The following PCDHGC4 variants were observed in gnomAD, a reference collection of about 807,000 sequenced individuals.
PCDHGC4 encodes protocadherin gamma-C4.
In PCDHGC4, 15 loss-of-function variants were observed where a neutral mutation model predicts 59.7. That is an observed-to-expected ratio of 0.25 (90% CI 0.17 to 0.39). The LOEUF (loss-of-function observed/expected upper bound fraction) is 0.39. PCDHGC4 is among the 10% of genes least tolerant of loss of function. The probability of loss-of-function intolerance (pLI) is 1.00; values close to 1 mark genes in which losing one functional copy is unlikely to be tolerated. For missense variants in PCDHGC4, 1,016 were observed against 1,189.5 expected (o/e 0.85, Z 2.15); for synonymous variants, 434 against 481.4 (o/e 0.90, Z 1.29).
chr5:141,510,272 TA>T (rs546154379), intron 3 of PCDHGC4, among the ~76,000 whole-genome samples: 4,704 of 130,308 alleles, frequency 0.036, 80 homozygotes, highest in South Asian at 0.057. Flanking sequence ...GACTCCATCT[TA>T]AAAAAAAAAA....
chr5:141,491,178 C>T lies in PCDHGC4; in HGVS notation c.2442+3563C>T, dbSNP rs774139827. 6.2e-7 allele frequency: 1 copy of T among 1,614,146 alleles called. No individual in the cohort carries two copies. The highest frequency in any genetic ancestry group is 8.5e-7 in the Non-Finnish European group (1 of 1,179,992). On this transcript the variant is annotated intron_variant, in intron 1 of 3. Coordinates refer to ENST00000306593, the MANE Select transcript of PCDHGC4 (RefSeq NM_018928.3). The surrounding 1 kb of genome is among the most constrained non-coding windows in gnomAD (Gnocchi z 6.9). ...ACTCTGACACCCAGCAGGTGGTGGT[C>T]CTGGTGAGGGACAATGGTGACCCTT...
intron 2 of PCDHGC4, among the ~76,000 whole-genome samples, chr5:141,504,402 G>A (rs2099837969): frequency 6.6e-6 from 1 of 152,170 alleles, no homozygotes; most frequent in Admixed American, 6.6e-5. Context: ...AGCCAGTGTG[G>A]TGGAGGAACA....
chr5:141,507,478 C>T (rs933478897), intron 3 of PCDHGC4, among the ~76,000 whole-genome samples: 5 of 152,158 alleles, frequency 3.3e-5, no homozygotes, highest in African/African-American at 1.2e-4. Flanking sequence ...GGACTGCTGG[C>T]CTCCTGAGGC....
rs766092387 is a variant in PCDHGC4 at position 141,491,171 on chromosome 5, T to C, written c.2442+3556T>C. 7.4e-6 allele frequency: 12 copies of C among 1,613,968 alleles called. No individual in the cohort carries two copies. The highest frequency in any genetic ancestry group is 1.3e-5 in the African/African-American group (1 of 74,904). On this transcript the variant is annotated intron_variant, in intron 1 of 3. Coordinates refer to ENST00000306593, the MANE Select transcript of PCDHGC4 (RefSeq NM_018928.3). The surrounding 1 kb of genome is among the most constrained non-coding windows in gnomAD (Gnocchi z 6.9). The stretch of plus-strand genomic sequence containing the variant: ...GAGGATGACTCTGACACCCAGCAGG[T>C]GGTGGTCCTGGTGAGGGACAATGGT...
chr5:141,500,367 C>A (rs953610460), intron 2 of PCDHGC4, among the ~76,000 whole-genome samples: 7 of 151,940 alleles, frequency 4.6e-5, no homozygotes, highest in African/African-American at 1.7e-4. Context: ...CACTACCACG[C>A]CCGGCTAATT....
At position 141,489,635 on chromosome 5, in the gene PCDHGC4, G is replaced by C. The variant is rs1380466520; in HGVS notation, c.2442+2020G>C. 2 of 1,614,142 alleles carry C rather than the reference G, an allele frequency of 1.2e-6. No homozygotes were observed. The highest frequency in any genetic ancestry group is 3.3e-5 in the Admixed American group (2 of 60,016). ...CTGGATCTCAATGACAACTCTCCTAGCTTTGCCACCCCTGAGCGAGAGATG... is the reference window on the plus strand; with the variant it reads ...CTGGATCTCAATGACAACTCTCCTACCTTTGCCACCCCTGAGCGAGAGATG... On this transcript the variant is annotated intron_variant, in intron 1 of 3. Transcript: ENST00000306593. This position sits in a 1 kb window ranked among gnomAD's most constrained non-coding sequence, Gnocchi z 4.5.
chr5:141,493,289 C>T lies in PCDHGC4; in HGVS notation c.2443-1518C>T, dbSNP rs925045650. 2.6e-5 allele frequency among the ~76,000 whole-genome samples: 4 copies of T among 152,176 alleles called. No individual in the cohort carries two copies. Among genetic ancestry groups the T allele is most frequent in the Non-Finnish European group, 5.9e-5 (4 of 68,030 alleles). On this transcript the variant is annotated intron_variant, in intron 1 of 3. Coordinates refer to ENST00000306593, the MANE Select transcript of PCDHGC4 (RefSeq NM_018928.3). The surrounding 1 kb of genome is among the most constrained non-coding windows in gnomAD (Gnocchi z 4.3). ...CTTCACAGAGGTCAAGTGACTTGCT[C>T]AAGTTCACAGAGCAAGTAAGAGAGA...
At position 141,491,679 on chromosome 5, in the gene PCDHGC4, T is replaced by C. The variant is rs111288145; in HGVS notation, c.2443-3128T>C. On this transcript the variant is annotated intron_variant, in intron 1 of 3. Coordinates refer to ENST00000306593, the MANE Select transcript of PCDHGC4 (RefSeq NM_018928.3). This position sits in a 1 kb window ranked among gnomAD's most constrained non-coding sequence, Gnocchi z 6.9. ...CTGACGCCATCCGGTCCCGCTCTAA[T>C]ACGCTGCGGGAGCGGAGCCAGGTGA... is the stretch of plus-strand genomic sequence containing the variant. 21 of 1,613,378 alleles carry C rather than the reference T, an allele frequency of 1.3e-5. No homozygotes were observed. Among genetic ancestry groups the C allele is most frequent in the Middle Eastern group, 1.6e-4 (1 of 6,078 alleles).
In PCDHGC4 at chr5:141,486,440, A is replaced by G; in HGVS notation, c.1267A>G (p.Ile423Val). 6.2e-7 allele frequency: 1 copy of G among 1,614,114 alleles called. No individual in the cohort carries two copies. The highest frequency in any genetic ancestry group is 8.5e-7 in the Non-Finnish European group (1 of 1,179,936). Residue 423 changes from isoleucine to valine, a missense_variant, in exon 1 of 4, where the codon ATC becomes GTC. Physicochemically the swap from Ile to Val is conservative, Grantham distance 29 (BLOSUM62 3). Coordinates refer to ENST00000306593, the MANE Select transcript of PCDHGC4 (RefSeq NM_018928.3). This position sits in a 1 kb window ranked among gnomAD's most constrained non-coding sequence, Gnocchi z 5.0. ...TCGAGAGGCCAAATCTAGCTATGACATCATGGTCACTGCTTCTGATGCTGG... is the reference window on the plus strand; with the variant it reads ...TCGAGAGGCCAAATCTAGCTATGACGTCATGGTCACTGCTTCTGATGCTGG... The part of the protein sequence containing the change: ...LDREAKSSYD[I>V]MVTASDAGNP...
chr5:141,497,825 C>T (rs1015168533), intron 2 of PCDHGC4, among the ~76,000 whole-genome samples: 3 of 152,154 alleles, frequency 2.0e-5, no homozygotes, highest in Admixed American at 6.5e-5. Context: ...CAGGTGTGAT[C>T]GCCCCCGGCC....
At chr5:141,505,282 G>C (rs73280377) in intron 2 of PCDHGC4, 111 bp from the exon 3 acceptor site, 37,017 of 1,544,812 alleles carry the variant, frequency 0.024, 1,115 homozygotes, top group African/African-American at 0.15. Context: ...AACAGGTCTT[G>C]GGCATGGGGT....
intron 3 of PCDHGC4, 78 bp from the exon 4 acceptor site, chr5:141,510,869 T>C: frequency 9.3e-6 from 15 of 1,608,708 alleles, no homozygotes; most frequent in Non-Finnish European, 1.3e-5. Flanking sequence ...AGGCATTCAT[T>C]AACTGCTGGG....
chr5:141,508,550 G>T (rs1440375100), intron 3 of PCDHGC4, among the ~76,000 whole-genome samples: 3 of 152,138 alleles, frequency 2.0e-5, no homozygotes, highest in Non-Finnish European at 1.5e-5. Flanking sequence ...GGTGGGCGGG[G>T]GATGGCTTTG....
Position 141,490,225 on chromosome 5 carries a change from G to A in PCDHGC4, c.2442+2610G>A, listed in dbSNP as rs2099697468. On this transcript the variant is annotated intron_variant, in intron 1 of 3. Coordinates refer to ENST00000306593, the MANE Select transcript of PCDHGC4 (RefSeq NM_018928.3). This position sits in a 1 kb window ranked among gnomAD's most constrained non-coding sequence, Gnocchi z 5.4. The stretch of plus-strand genomic sequence containing the variant: ...AAGAGCCCGTGACCAGGGACAGCCT[G>A]CCATGGAGGGCCACTGTGTGATTCA... The A allele has an allele frequency of 6.2e-7, 1 of 1,614,112 alleles. No homozygotes were observed. The highest frequency in any genetic ancestry group is 1.1e-5 in the South Asian group (1 of 91,090).
intron 2 of PCDHGC4, among the ~76,000 whole-genome samples, chr5:141,498,411 C>T (rs747823234): frequency 2.0e-5 from 3 of 152,158 alleles, no homozygotes; most frequent in Non-Finnish European, 4.4e-5. Context: ...TTTCTCTTTG[C>T]TGGCACTGGA....
At position 141,485,671 on chromosome 5, in the gene PCDHGC4, G is replaced by T; in HGVS notation, c.498G>T (p.Ser166=). Residue 166 remains serine, a synonymous_variant, in exon 1 of 4, where the codon TCG becomes TCT. Coordinates refer to ENST00000306593, the MANE Select transcript of PCDHGC4 (RefSeq NM_018928.3). This position sits in a 1 kb window ranked among gnomAD's most constrained non-coding sequence, Gnocchi z 5.7. The stretch of plus-strand genomic sequence containing the variant: ...AGGATGCAGATGTGGGGAGCAATTC[G>T]ATTAGCAGCTATAGGCTGAGCTCCA... ...KAQDADVGSN[S]ISSYRLSSNE... 6.2e-7 allele frequency: 1 copy of T among 1,612,860 alleles called. No homozygotes were observed. The highest frequency in any genetic ancestry group is 8.5e-7 in the Non-Finnish European group (1 of 1,179,040).
chr5:141,491,407 G>A lies in PCDHGC4; in HGVS notation c.2443-3400G>A. ...GAAGTGCCTTCAGGGAAACGCAGAC[G>A]GGGACGGGGGTGGAGGGCAGTGCTG... is the stretch of plus-strand genomic sequence containing the variant. On this transcript the variant is annotated intron_variant, in intron 1 of 3. Transcript: ENST00000306593. The surrounding 1 kb of genome is among the most constrained non-coding windows in gnomAD (Gnocchi z 6.9). The A allele has an allele frequency of 6.2e-7, 1 of 1,614,116 alleles. No individual in the cohort carries two copies. The highest frequency in any genetic ancestry group is 8.5e-7 in the Non-Finnish European group (1 of 1,180,000).
Position 141,487,256 on chromosome 5 carries a change from G to T in PCDHGC4, c.2083G>T (p.Val695Leu). The change falls in exon 1 of 4, where the codon GTG (valine) becomes TTG (leucine). Residue 695 changes from valine (V) to leucine (L), a missense_variant. Coordinates refer to ENST00000306593, the MANE Select transcript of PCDHGC4 (RefSeq NM_018928.3). This position sits in a 1 kb window ranked among gnomAD's most constrained non-coding sequence, Gnocchi z 5.0. ...GESRLTLYLAVSLVAICFVSF... is the reference protein window; with the variant it reads ...GESRLTLYLALSLVAICFVSF... Reference sequence around the variant, plus strand: ...ATCTCGTCTAACCCTCTACTTGGCTGTGTCCCTAGTGGCAATTTGCTTTGT... The same window carrying T: ...ATCTCGTCTAACCCTCTACTTGGCTTTGTCCCTAGTGGCAATTTGCTTTGT... The T allele has an allele frequency of 2.5e-6, 4 of 1,614,166 alleles. No homozygotes were observed. Among genetic ancestry groups the T allele is most frequent in the Non-Finnish European group, 2.5e-6 (3 of 1,180,032 alleles).
rs933089146 is a variant in PCDHGC4, at chr5:141,490,786, A to G, written c.2442+3171A>G. ...GTATGTCAACCCAGAGGATGGACGGATCTTTGCCCAGCGTACCTTTGACTA... is the reference window on the plus strand; with the variant it reads ...GTATGTCAACCCAGAGGATGGACGGGTCTTTGCCCAGCGTACCTTTGACTA... On this transcript the variant is annotated intron_variant, in intron 1 of 3. Coordinates refer to ENST00000306593, the MANE Select transcript of PCDHGC4 (RefSeq NM_018928.3). This position sits in a 1 kb window ranked among gnomAD's most constrained non-coding sequence, Gnocchi z 5.4. The G allele has an allele frequency of 1.9e-6, 3 of 1,614,056 alleles. No individual in the cohort carries two copies. The highest frequency in any genetic ancestry group is 1.7e-5 in the Admixed American group (1 of 60,016).
Sources: gnomAD v4.1 joint callset for allele counts (sites outside exome capture counted in the v4.1 genomes callset) on GRCh38, gnomAD v4.1.1 for gene constraint, Gnocchi (gnomAD v3.1) non-coding constraint, MANE v1.5 for transcripts, NCBI Gene and HGNC (gene_info 2026-07-23, HGNC 2026-07-21) for gene names.